The following AKTIP variants were observed in gnomAD, a reference collection of about 807,000 sequenced individuals.
AKTIP encodes the protein AKT-interacting protein.
Under a neutral mutation model 39.1 loss-of-function variants are expected in AKTIP, and 16 were observed. The ratio of observed to expected loss-of-function variants is 0.41; its 90% confidence interval spans 0.28 to 0.62. The LOEUF (loss-of-function observed/expected upper bound fraction) is 0.62, where lower values mean the gene tolerates loss of function less well. Among genes scored for constraint, AKTIP ranks in the 20% least tolerant of loss-of-function variants. The pLI is 0.32. For synonymous variants in AKTIP, 93 were observed against 124.3 expected (o/e 0.75, Z 1.67); for missense variants, 262 against 356.6 (o/e 0.73, Z 2.14).
chr16:53,491,651 CTTTG>C lies in AKTIP; in HGVS notation c.*757_*760del, dbSNP rs1308801342. On this transcript the variant is annotated 3_prime_UTR_variant, in exon 10 of 10. Coordinates refer to ENST00000394657, the MANE Select transcript of AKTIP (RefSeq NM_022476.4). ...TTCAATAAAGCATTTATAAATTAGC[CTTTG>C]TTTGGTTATATTGAGAAAAGGGTAG... 9.2e-5 allele frequency: 14 copies of C among 152,588 alleles called. No homozygotes were observed. The highest frequency in any genetic ancestry group is 2.6e-4 in the African/African-American group (11 of 41,510). The allele number at this position is 152,588 out of a possible 1,614,324, so 9.5% of individuals were successfully genotyped here.
intron 9 of AKTIP, 58 bp from the exon 10 acceptor site, chr16:53,492,577 C>T: frequency 6.2e-7 from 1 of 1,602,194 alleles, no homozygotes; most frequent in Non-Finnish European, 8.5e-7. Context: ...GATTTCAGCA[C>T]TGTACAAACT....
chr16:53,492,454 T>C lies in AKTIP; in HGVS notation c.837A>G (p.Ser279=), dbSNP rs16952272. Residue 279 remains serine, a synonymous_variant, in exon 10 of 10, where the codon TCA becomes TCG. Transcript: ENST00000394657. ...TCTCTTCTTTACTGAAAGGCTGTAC[T>C]GAGCCAGGCTTTACCCATGACAGGC... ...VAGLSWVKPG[S]VQPFSKEEKT... The C allele has an allele frequency of 1.6e-3, 2,605 of 1,613,362 alleles. 35 individuals carry two copies. In the African/African-American group the frequency reaches 0.029, roughly 18 times the overall value.
rs1356039023 is a variant in AKTIP, at chr16:53,492,308, T to A, written c.*104A>T. Reference sequence around the variant, plus strand: ...CATGGAAAACACTGGCAGTCAGTCATTGTTCACACAGTTTTACTCTTCAGG... The same window carrying A: ...CATGGAAAACACTGGCAGTCAGTCAATGTTCACACAGTTTTACTCTTCAGG... On this transcript the variant is annotated 3_prime_UTR_variant, in exon 10 of 10. Transcript: ENST00000394657. The A allele has an allele frequency of 1.0e-6, 1 of 976,844 alleles. No homozygotes were observed. Among genetic ancestry groups the A allele is most frequent in the East Asian group, 2.4e-5 (1 of 41,582 alleles). The allele number at this position is 976,844 out of a possible 1,614,324, so 60.5% of individuals were successfully genotyped here.
In AKTIP at chr16:53,491,766, G is replaced by T. The variant is rs1300052521; in HGVS notation, c.*646C>A. ...ATTAGTCATTTATCATTTAAATACC[G>T]GACTTCATTAGAAACCGTTGTAACA... On this transcript the variant is annotated 3_prime_UTR_variant, in exon 10 of 10. Transcript: ENST00000394657. 1 of 152,260 alleles carries T rather than the reference G, an allele frequency of 6.6e-6. No individual in the cohort carries two copies. Among genetic ancestry groups the T allele is most frequent in the Non-Finnish European group, 1.5e-5 (1 of 67,980 alleles). 9.4% of individuals were successfully genotyped at this position (152,260 alleles called of 1,614,324 possible). A position where few individuals can be genotyped will look rare whatever the true frequency, so the allele number is the denominator to read the frequency against.
chr16:53,500,200 T>C lies in AKTIP; in HGVS notation c.42+18A>G, dbSNP rs190666875. The C allele has an allele frequency of 1.3e-6, 2 of 1,589,374 alleles. No individual in the cohort carries two copies. Among genetic ancestry groups the C allele is most frequent in the South Asian group, 2.2e-5 (2 of 89,304 alleles). On this transcript the variant is annotated intron_variant, in intron 2 of 9. Transcript: ENST00000394657. ...GAAGCAAATGGGTTTTCTTACTGAA[T>C]TTATCAACTATACCTACTTTGCGTA...
At chr16:53,492,894 A>G in intron 8 of AKTIP, 141 bp from the exon 9 acceptor site, 4 of 684,530 alleles carry the variant, frequency 5.8e-6, no homozygotes, top group Non-Finnish European at 5.0e-6. Context: ...TGTTTTAGAC[A>G]TTATCTAATT....
chr16:53,498,665 T>C, intron 2 of AKTIP, 69 bp from the exon 3 acceptor site: 1 of 1,461,128 alleles, frequency 6.8e-7, no homozygotes, highest in Non-Finnish European at 9.6e-7. Context: ...CATTATTAGC[T>C]CCATGGCCTA....
Position 53,494,343 on chromosome 16 carries a change from C to G in AKTIP, c.598G>C (p.Val200Leu). Reference protein sequence around the residue: ...TASPLNPEAAVLYEKDIQLFK... With the variant: ...TASPLNPEAALLYEKDIQLFK... ...AACAAAGCAAAAGTTACATACAGTA[C>G]TGCAGCCTCTGGGTTCAGGGGGCTT... Residue 200 changes from valine to leucine, a missense_variant, in exon 7 of 10, where the codon GTA becomes CTA. Physicochemically the swap from Val to Leu is conservative, Grantham distance 32. Transcript: ENST00000394657. The G allele has an allele frequency of 6.2e-7, 1 of 1,614,090 alleles. No individual in the cohort carries two copies. The highest frequency in any genetic ancestry group is 8.5e-7 in the Non-Finnish European group (1 of 1,179,922).
At chr16:53,496,019 TAA>T (rs1961810168) in intron 3 of AKTIP, among the ~76,000 whole-genome samples, 1 of 152,166 alleles carries the variant, frequency 6.6e-6, no homozygotes, top group Non-Finnish European at 1.5e-5. Flanking sequence ...CAAGAAACGA[TAA>T]GTGTATTGAC....
chr16:53,497,695 C>A (rs971924802), intron 3 of AKTIP, among the ~76,000 whole-genome samples: 7 of 152,244 alleles, frequency 4.6e-5, no homozygotes, highest in African/African-American at 1.7e-4. Flanking sequence ...GAAAAACCTC[C>A]AGGAGGCGAA....
intron 8 of AKTIP, chr16:53,493,806 G>A (rs1265402118): frequency 3.9e-5 from 11 of 279,702 alleles, no homozygotes; most frequent in Non-Finnish European, 4.8e-5. Context: ...TGTCAATGAG[G>A]GTTTGGCAGT....
intron 8 of AKTIP, 188 bp downstream of exon 8, chr16:53,493,950 G>A (rs1032664434): frequency 1.8e-6 from 1 of 556,500 alleles, no homozygotes; most frequent in Non-Finnish European, 3.2e-6. Flanking sequence ...TGTCAGATGT[G>A]AAGCTTTTTG....
intron 3 of AKTIP, among the ~76,000 whole-genome samples, chr16:53,495,576 G>A (rs1401230782): frequency 6.6e-6 from 1 of 152,130 alleles, no homozygotes; most frequent in African/African-American, 2.4e-5. Context: ...GGGCCCCACA[G>A]TAAGAACTAA....
Position 53,492,294 on chromosome 16 carries a change from C to G in AKTIP, c.*118G>C. Reference sequence around the variant, plus strand: ...AGAACCTATGCATACATGGAAAACACTGGCAGTCAGTCATTGTTCACACAG... The same window carrying G: ...AGAACCTATGCATACATGGAAAACAGTGGCAGTCAGTCATTGTTCACACAG... On this transcript the variant is annotated 3_prime_UTR_variant, in exon 10 of 10. Transcript: ENST00000394657. 1 of 855,276 alleles carries G rather than the reference C, an allele frequency of 1.2e-6. No homozygotes were observed. The highest frequency in any genetic ancestry group is 1.6e-5 in the South Asian group (1 of 61,258). The allele number at this position is 855,276 out of a possible 1,614,324, so 53.0% of individuals were successfully genotyped here. A position where few individuals can be genotyped will look rare whatever the true frequency, so the allele number is the denominator to read the frequency against.
intron 5 of AKTIP, 160 bp downstream of exon 5, chr16:53,494,913 C>T (rs1961733785): frequency 7.7e-6 from 6 of 775,738 alleles, no homozygotes; most frequent in African/African-American, 1.7e-5. Flanking sequence ...GCTCTGATGG[C>T]ATGCCGGAAG....
At chr16:53,494,974 A>G (rs748416455) in intron 5 of AKTIP, 99 bp downstream of exon 5, 2 of 1,102,308 alleles carry the variant, frequency 1.8e-6, no homozygotes, top group African/African-American at 3.1e-5. Flanking sequence ...TAGATAAATC[A>G]TAAAGGTACC....
At position 53,494,910 on chromosome 16, in the gene AKTIP, T is replaced by C. The variant is rs140218201; in HGVS notation, c.414+163A>G. The C allele has an allele frequency of 5.3e-4, 408 of 770,364 alleles. 3 individuals are homozygous for C. In the East Asian group the frequency reaches 9.3e-3, roughly 18 times the overall value. 47.7% of individuals were successfully genotyped at this position (770,364 alleles called of 1,614,324 possible). On this transcript the variant is annotated intron_variant, in intron 5 of 9. Transcript: ENST00000394657. The stretch of plus-strand genomic sequence containing the variant: ...CCTGAGCAGAGAAACAAAGCTCTGA[T>C]GGCATGCCGGAAGCTGCTGCAAAGC...
chr16:53,495,654 G>A (rs2150856060), intron 3 of AKTIP, among the ~76,000 whole-genome samples: 1 of 152,290 alleles, frequency 6.6e-6, no homozygotes, highest in East Asian at 1.9e-4. Flanking sequence ...ACATCATCTT[G>A]GAAACCAGCC....
At chr16:53,499,681 C>T (rs1962054710) in intron 2 of AKTIP, among the ~76,000 whole-genome samples, 1 of 151,888 alleles carries the variant, frequency 6.6e-6, no homozygotes, top group African/African-American at 2.4e-5. Flanking sequence ...AGGATGGTCT[C>T]GATCTCCTGA....
Sources: allele counts gnomAD v4.1 joint callset (sites outside exome capture counted in the v4.1 genomes callset), GRCh38; gene constraint gnomAD v4.1.1; transcripts MANE v1.5; gene names NCBI Gene and HGNC (gene_info 2026-07-23, HGNC 2026-07-21).